MAP3K15: variants seen among roughly 807,000 people sequenced by gnomAD.
MAP3K15 encodes MAPK/ERK kinase kinase 15.
Under a neutral mutation model 99.5 loss-of-function variants are expected in MAP3K15, and 124 were observed. That is an observed-to-expected ratio of 1.25 (90% CI 1.08 to 1.45). The LOEUF (loss-of-function observed/expected upper bound fraction) is 1.45. MAP3K15 is among the 40% of genes most tolerant of loss of function. The probability of loss-of-function intolerance (pLI) is 0.00; values close to 1 mark genes in which losing one functional copy is unlikely to be tolerated. For synonymous variants in MAP3K15, 494 were observed against 439.6 expected, an observed-to-expected ratio of 1.12 and a Z score of -1.55; for missense variants, 1,242 against 1,079.7, an observed-to-expected ratio of 1.15 and a Z score of -2.11.
intron 3 of MAP3K15, among the ~76,000 whole-genome samples, chrX:19,485,366 A>G (rs1209508012): frequency 2.0e-5 from 2 of 102,023 alleles, no homozygotes; most frequent in Non-Finnish European, 3.9e-5. Context: ...AACAGGAAAG[A>G]CTCTTACAAG....
intron 18 of MAP3K15, among the ~76,000 whole-genome samples, chrX:19,381,982 C>T (rs774861869): frequency 8.9e-6 from 1 of 111,944 alleles, no homozygotes; most frequent in Non-Finnish European, 1.9e-5. Context: ...TGGTGGCTAA[C>T]GCCTGTAATC....
intron 6 of MAP3K15, among the ~76,000 whole-genome samples, chrX:19,455,347 CTTT>C (rs776661644): frequency 1.1e-5 from 1 of 94,637 alleles, no homozygotes; most frequent in Admixed American, 1.2e-4. Context: ...TTTCTTTTTT[CTTT>C]TTTTTTTTTT....
rs889620474 is a variant in MAP3K15 at position 19,361,268 on chromosome X, T to C, written c.3857+71A>G. ...TTTGGGGGGAGGCCCAGCCCTTTGT[T>C]TTCTGCTCTTGAAGCATATTCACAC... On this transcript the variant is annotated intron_variant, in intron 28 of 28. Coordinates refer to ENST00000338883, the MANE Select transcript of MAP3K15 (RefSeq NM_001001671.4). 3.3e-6 allele frequency: 3 copies of C among 917,886 alleles called. No homozygotes were observed. The African/African-American group carries it at 5.9e-5, about 18-fold the overall frequency. The allele number at this position is 917,886 out of a possible 1,213,427, so 75.6% of individuals were successfully genotyped here.
intron 7 of MAP3K15, among the ~76,000 whole-genome samples, chrX:19,426,544 G>T (rs756425682): frequency 1.8e-5 from 2 of 111,003 alleles, no homozygotes; most frequent in African/African-American, 3.3e-5. Context: ...GCCAGGCACC[G>T]TGGCTCATGC....
chrX:19,493,346 CA>C (rs755083263), intron 1 of MAP3K15, among the ~76,000 whole-genome samples: 1,347 of 49,126 alleles, frequency 0.027, 23 homozygotes, highest in African/African-American at 0.076. Flanking sequence ...TACTGCTACT[CA>C]AAAAAAAAAA....
intron 1 of MAP3K15, among the ~76,000 whole-genome samples, chrX:19,489,312 C>T (rs1336369647): frequency 1.3e-4 from 14 of 111,169 alleles, no homozygotes; most frequent in Non-Finnish European, 2.3e-4. Context: ...AACCATGTAC[C>T]TTCTGTGCAG....
rs775902011 is a variant in MAP3K15 at position 19,412,079 on chromosome X, C to T, written c.1698+1278G>A. Among the ~76,000 whole-genome samples, 12 of 111,663 alleles carry T rather than the reference C, an allele frequency of 1.1e-4. No individual in the cohort carries two copies. The South Asian group carries it at 3.8e-3, about 35-fold the overall frequency. ...GCAGGAGTCGGCCTTTGGATTCAGG[C>T]ACAGAAATGGGAGCCAGGGCAGACT... is the stretch of plus-strand genomic sequence containing the variant. On this transcript the variant is annotated intron_variant, in intron 11 of 28. Transcript: ENST00000338883.
chrX:19,510,283 T>C (rs180841056), intron 1 of MAP3K15, among the ~76,000 whole-genome samples: 1 of 111,727 alleles, frequency 9.0e-6, no homozygotes, highest in African/African-American at 3.3e-5. Flanking sequence ...TGAACATCGA[T>C]GTGAAAATCC....
chrX:19,488,725 CTTTG>C, intron 2 of MAP3K15, 99 bp downstream of exon 2: 2 of 832,353 alleles, frequency 2.4e-6, no homozygotes, highest in South Asian at 5.3e-5. Flanking sequence ...ACAAGCAAGT[CTTTG>C]TTTTTCTCCA....
chrX:19,514,384 T>C (rs2064541366), intron 1 of MAP3K15, among the ~76,000 whole-genome samples: 1 of 101,529 alleles, frequency 9.8e-6, no homozygotes, highest in South Asian at 4.8e-4. Context: ...GGCTGTTTCT[T>C]GGGTTATCTG....
chrX:19,470,637 T>C (rs1190589024), intron 3 of MAP3K15, among the ~76,000 whole-genome samples: 4 of 107,890 alleles, frequency 3.7e-5, no homozygotes, highest in African/African-American at 1.4e-4. Context: ...AATAAACAAG[T>C]AAACAACAAA....
chrX:19,442,745 T>C (rs1426342450), intron 6 of MAP3K15, among the ~76,000 whole-genome samples: 1 of 103,597 alleles, frequency 9.7e-6, no homozygotes, highest in Non-Finnish European at 2.0e-5. Context: ...TATTTTGAGA[T>C]GGACTCTGAC....
chrX:19,436,239 G>T (rs936031639), intron 6 of MAP3K15, among the ~76,000 whole-genome samples: 1 of 110,815 alleles, frequency 9.0e-6, no homozygotes, highest in African/African-American at 3.3e-5. Flanking sequence ...AGACATCAGT[G>T]CTTCTCATGC....
chrX:19,438,968 C>T (rs368243209), intron 6 of MAP3K15, among the ~76,000 whole-genome samples: 3 of 112,043 alleles, frequency 2.7e-5, no homozygotes, highest in East Asian at 2.8e-4. Context: ...GAGGCCGAGA[C>T]GGGCAGATCA....
At chrX:19,454,184 T>G (rs1035577004) in intron 6 of MAP3K15, among the ~76,000 whole-genome samples, 1 of 111,654 alleles carries the variant, frequency 9.0e-6, no homozygotes, top group Non-Finnish European at 1.9e-5. Context: ...GAGGTAAATT[T>G]TGCCAGAGTT....
chrX:19,450,292 A>G lies in MAP3K15; in HGVS notation c.995+6621T>C, dbSNP rs1443585306. On this transcript the variant is annotated intron_variant, in intron 6 of 28. Transcript: ENST00000338883. Reference sequence around the variant, plus strand: ...TTGAGCCCAGAAAGTCAAGGTTGCAATGAGCCATCATCACACCACTGCACT... The same window carrying G: ...TTGAGCCCAGAAAGTCAAGGTTGCAGTGAGCCATCATCACACCACTGCACT... Among the ~76,000 whole-genome samples the G allele has an allele frequency of 1.6e-4, 18 of 109,093 alleles. 2 individuals carry two copies. The highest frequency in any genetic ancestry group is 1.4e-4 in the Non-Finnish European group (7 of 51,593). The allele number at this position is 109,093 out of a possible 115,157, so 94.7% of individuals were successfully genotyped here. A position where few individuals can be genotyped will look rare whatever the true frequency, so the allele number is the denominator to read the frequency against.
In MAP3K15 at chrX:19,426,355, G is replaced by A; in HGVS notation, c.1167-12C>T. Reference sequence around the variant, plus strand: ...ACCCTTTGCGATACCTATAATTACAGAACCACCAAAGTATTATTATATTAC... The same window carrying A: ...ACCCTTTGCGATACCTATAATTACAAAACCACCAAAGTATTATTATATTAC... On this transcript the variant is annotated splice_polypyrimidine_tract_variant and intron_variant, in intron 7 of 28. Coordinates refer to ENST00000338883, the MANE Select transcript of MAP3K15 (RefSeq NM_001001671.4). The A allele has an allele frequency of 2.1e-6, 2 of 951,368 alleles. No individual in the cohort carries two copies. The highest frequency in any genetic ancestry group is 1.4e-6 in the Non-Finnish European group (1 of 709,627). 78.4% of individuals were successfully genotyped at this position (951,368 alleles called of 1,213,427 possible). A position where few individuals can be genotyped will look rare whatever the true frequency, so the allele number is the denominator to read the frequency against.
chrX:19,362,973 A>C, intron 25 of MAP3K15, 123 bp from the exon 26 acceptor site: 1 of 420,075 alleles, frequency 2.4e-6, no homozygotes, highest in Non-Finnish European at 4.1e-6. Context: ...GGACAAGTCT[A>C]AGAGTCAGCC....
intron 6 of MAP3K15, among the ~76,000 whole-genome samples, chrX:19,436,391 A>G (rs898802472): frequency 2.7e-5 from 3 of 110,288 alleles, no homozygotes; most frequent in Non-Finnish European, 5.7e-5. Flanking sequence ...GATTTGCAGG[A>G]CACCACACTC....
Sources: allele counts gnomAD v4.1 joint callset (sites outside exome capture counted in the v4.1 genomes callset), GRCh38; gene constraint gnomAD v4.1.1; transcripts MANE v1.5; gene names NCBI Gene and HGNC (gene_info 2026-07-23, HGNC 2026-07-21).